TNR: variants seen among roughly 807,000 people sequenced by gnomAD.
TNR encodes tenascin-R.
Under a neutral mutation model 150.4 loss-of-function variants are expected in TNR, and 45 were observed. The ratio of observed to expected loss-of-function variants is 0.30; its 90% CI spans 0.24 to 0.38. The LOEUF (loss-of-function observed/expected upper bound fraction) is 0.38, where lower values mean the gene tolerates loss of function less well. TNR is among the 10% of genes least tolerant of loss of function. The pLI, the probability that TNR is intolerant of heterozygous loss-of-function variation, is 1.00. For synonymous variants in TNR, 687 were observed against 678.4 expected (o/e 1.01, Z -0.20); for missense variants, 1,544 against 1,759.1 (o/e 0.88, Z 2.19).
intron 2 of TNR, among the ~76,000 whole-genome samples, chr1:175,522,164 C>T (rs1206568972): frequency 1.3e-5 from 2 of 152,156 alleles, no homozygotes; most frequent in Admixed American, 6.5e-5. Context: ...TGGCGGCACT[C>T]GAAGCCACTG....
chr1:175,376,800 C>T (rs1306948951), intron 9 of TNR, among the ~76,000 whole-genome samples: 1 of 151,166 alleles, frequency 6.6e-6, no homozygotes, highest in Non-Finnish European at 1.5e-5. Flanking sequence ...CTATTTGCCT[C>T]ATAAATCTCC....
intron 2 of TNR, among the ~76,000 whole-genome samples, chr1:175,410,919 C>A (rs1011376798): frequency 1.3e-5 from 2 of 152,148 alleles, no homozygotes; most frequent in Non-Finnish European, 2.9e-5. Flanking sequence ...ACGTAACCTA[C>A]CCTATCAGGG....
At chr1:175,568,710 CACAGTGCACAG>C (rs1186437300) in intron 1 of TNR, among the ~76,000 whole-genome samples, 18 of 152,178 alleles carry the variant, frequency 1.2e-4, no homozygotes, top group African/African-American at 4.1e-4. Flanking sequence ...TACTGCAAGG[CACAGTGCACAG>C]AAGAGCAATG....
At chr1:175,428,803 C>A (rs1655130353) in intron 2 of TNR, among the ~76,000 whole-genome samples, 1 of 152,210 alleles carries the variant, frequency 6.6e-6, no homozygotes, top group African/African-American at 2.4e-5. Context: ...TCACCAACTA[C>A]TCTTAGTTTA....
At chr1:175,562,616 T>A (rs1347239190) in intron 1 of TNR, among the ~76,000 whole-genome samples, 3 of 152,164 alleles carry the variant, frequency 2.0e-5, no homozygotes, top group Non-Finnish European at 4.4e-5. Flanking sequence ...GAAATGCAAG[T>A]CTTGGGTGGA....
chr1:175,367,383 T>C, intron 9 of TNR, 86 bp from the exon 10 acceptor site: 1 of 1,062,562 alleles, frequency 9.4e-7, no homozygotes, highest in Non-Finnish European at 1.5e-6. Context: ...GATCTTAGAC[T>C]CCTATTCATA....
At chr1:175,577,906 T>A (rs533404245) in intron 1 of TNR, among the ~76,000 whole-genome samples, 3 of 152,352 alleles carry the variant, frequency 2.0e-5, no homozygotes, top group African/African-American at 7.2e-5. Flanking sequence ...AAGAGTGGGT[T>A]GTCAATATCC....
At chr1:175,546,715 T>G (rs1012082339) in intron 1 of TNR, among the ~76,000 whole-genome samples, 8 of 152,220 alleles carry the variant, frequency 5.3e-5, no homozygotes, top group Admixed American at 2.6e-4. Context: ...GTCAGCTCAG[T>G]GTTCAGAGGA....
chr1:175,641,807 G>A (rs1270319329), intron 1 of TNR, among the ~76,000 whole-genome samples: 2 of 152,144 alleles, frequency 1.3e-5, no homozygotes, highest in Non-Finnish European at 2.9e-5. Context: ...GTCAATTATT[G>A]ACTAGGAAAG....
chr1:175,625,244 G>A lies in TNR; in HGVS notation c.-164-96875C>T, dbSNP rs562480370. Among the ~76,000 whole-genome samples the A allele has an allele frequency of 6.8e-4, 104 of 152,170 alleles. 1 individual carries two copies. Among genetic ancestry groups the A allele is most frequent in the Admixed American group, 1.2e-3 (18 of 15,280 alleles). Reference sequence around the variant, plus strand: ...ACCCTCAACTGTGAAAAACAACAGTGTGATTTTTCTGCCCATTCTTTCTGT... The same window carrying A: ...ACCCTCAACTGTGAAAAACAACAGTATGATTTTTCTGCCCATTCTTTCTGT... On this transcript the variant is annotated intron_variant, in intron 1 of 22. Transcript: ENST00000367674.
At chr1:175,385,758 AC>A (rs1652886183) in intron 8 of TNR, among the ~76,000 whole-genome samples, 1 of 152,166 alleles carries the variant, frequency 6.6e-6, no homozygotes, top group African/African-American at 2.4e-5. Context: ...CAAACGGGAA[AC>A]CTGAGGCCCA....
At chr1:175,466,431 C>A (rs1657038244) in intron 2 of TNR, among the ~76,000 whole-genome samples, 1 of 152,226 alleles carries the variant, frequency 6.6e-6, no homozygotes. Context: ...CTAAACTAGA[C>A]AAACCTGCAG....
chr1:175,513,379 A>T (rs1557979215), intron 2 of TNR, among the ~76,000 whole-genome samples: 1 of 152,142 alleles, frequency 6.6e-6, no homozygotes, highest in Non-Finnish European at 1.5e-5. Context: ...AATCGAACAC[A>T]TGTAGTCTAG....
At chr1:175,373,493 A>G (rs1266188102) in intron 9 of TNR, among the ~76,000 whole-genome samples, 1 of 152,166 alleles carries the variant, frequency 6.6e-6, no homozygotes, top group Non-Finnish European at 1.5e-5. Flanking sequence ...CAGGCTTTCG[A>G]GGCCATCTCC....
chr1:175,427,719 TTC>T (rs1431974911), intron 2 of TNR, among the ~76,000 whole-genome samples: 11 of 118,058 alleles, frequency 9.3e-5, no homozygotes, highest in Admixed American at 6.7e-4. Flanking sequence ...TCTTCCCTCC[TTC>T]TCTCTTTCTT....
intron 1 of TNR, among the ~76,000 whole-genome samples, chr1:175,639,264 A>T (rs1664579230): frequency 6.6e-6 from 1 of 152,224 alleles, no homozygotes; most frequent in African/African-American, 2.4e-5. Flanking sequence ...TGTCTGAGCA[A>T]TGTAGAAGGG....
chr1:175,518,407 C>A (rs1441823425), intron 2 of TNR, among the ~76,000 whole-genome samples: 8 of 152,172 alleles, frequency 5.3e-5, no homozygotes, highest in African/African-American at 1.9e-4. Context: ...ATCCCCATTC[C>A]TCCTCTCATG....
intron 2 of TNR, among the ~76,000 whole-genome samples, chr1:175,512,530 T>C (rs1353966024): frequency 1.3e-5 from 2 of 152,186 alleles, no homozygotes; most frequent in Non-Finnish European, 2.9e-5. Flanking sequence ...GAGAGATGAG[T>C]ACTATAACCC....
chr1:175,573,691 G>C (rs942573443), intron 1 of TNR, among the ~76,000 whole-genome samples: 3 of 152,242 alleles, frequency 2.0e-5, no homozygotes, highest in Non-Finnish European at 4.4e-5. Context: ...GTTGCAATCT[G>C]GGGCACTGGC....
Sources: gnomAD v4.1 joint callset for allele counts (sites outside exome capture counted in the v4.1 genomes callset) on GRCh38, gnomAD v4.1.1 for gene constraint, MANE v1.5 for transcripts, NCBI Gene and HGNC (gene_info 2026-07-23, HGNC 2026-07-21) for gene names.